Variants in B3GALT1 observed in about 807,000 individuals in gnomAD.
B3GALT1 encodes the protein beta-1,3-galactosyltransferase 1.
Under a neutral mutation model 23.2 loss-of-function variants are expected in B3GALT1, and 10 were observed. The ratio of observed to expected loss-of-function variants is 0.43; its 90% CI spans 0.27 to 0.73. The LOEUF (loss-of-function observed/expected upper bound fraction) is 0.73. Among genes scored for constraint, B3GALT1 ranks in the 30% least tolerant of loss-of-function variants. The pLI, the probability that B3GALT1 is intolerant of heterozygous loss-of-function variation, is 0.21. For missense variants in B3GALT1, 299 were observed against 405.4 expected, an observed-to-expected ratio of 0.74 and a Z score of 2.25; for synonymous variants, 156 against 141.5, an observed-to-expected ratio of 1.10 and a Z score of -0.73.
chr2:167,451,128 G>T (rs1699083923), intron 1 of B3GALT1, among the ~76,000 whole-genome samples: 3 of 151,694 alleles, frequency 2.0e-5, no homozygotes, highest in Non-Finnish European at 4.4e-5. Flanking sequence ...CCTTGAAGTG[G>T]ACTTCACCTT....
At chr2:167,294,655 C>T (rs1574020866) in intron 1 of B3GALT1, among the ~76,000 whole-genome samples, 1 of 152,346 alleles carries the variant, frequency 6.6e-6, no homozygotes, top group Non-Finnish European at 1.5e-5. Context: ...CCCACTGTCT[C>T]AGATGGGGCG....
rs924629267 is a variant in B3GALT1, at chr2:167,569,258, A to T, written c.-409-77651A>T. 6.6e-5 allele frequency among the ~76,000 whole-genome samples: 10 copies of T among 152,038 alleles called. No individual in the cohort carries two copies. In the East Asian group the frequency reaches 1.9e-3, roughly 29 times the overall value. ...ATCAGTTTGTCTACAGCCATAAAAT[A>T]AGTTGCTAGGGTTTTGATTGAGTCT... is the stretch of plus-strand genomic sequence containing the variant. On this transcript the variant is annotated intron_variant, in intron 2 of 4. Transcript: ENST00000392690.
intron 3 of B3GALT1, among the ~76,000 whole-genome samples, chr2:167,677,661 C>A (rs947247702): frequency 6.6e-6 from 1 of 152,216 alleles, no homozygotes; most frequent in Non-Finnish European, 1.5e-5. Flanking sequence ...CAGAATGTCT[C>A]CTGCCTTTGT....
At chr2:167,560,470 G>A (rs1459665041) in intron 2 of B3GALT1, among the ~76,000 whole-genome samples, 8 of 151,964 alleles carry the variant, frequency 5.3e-5, no homozygotes. Context: ...AACTTTAAAT[G>A]TAAATGGACT....
chr2:167,771,178 G>T (rs1688066183), intron 3 of B3GALT1, among the ~76,000 whole-genome samples: 1 of 152,142 alleles, frequency 6.6e-6, no homozygotes, highest in Non-Finnish European at 1.5e-5. Flanking sequence ...TTTTAGTGAG[G>T]ATTAAATGTG....
At chr2:167,743,344 C>T (rs778302568) in intron 3 of B3GALT1, among the ~76,000 whole-genome samples, 1 of 151,858 alleles carries the variant, frequency 6.6e-6, no homozygotes, top group Non-Finnish European at 1.5e-5. Flanking sequence ...CAATTTAAAC[C>T]CCCATCAGCA....
intron 2 of B3GALT1, among the ~76,000 whole-genome samples, chr2:167,557,327 G>C (rs1683872051): frequency 6.6e-6 from 1 of 151,840 alleles, no homozygotes. Flanking sequence ...AAAAAGTTAT[G>C]GATATTTTTA....
intron 1 of B3GALT1, among the ~76,000 whole-genome samples, chr2:167,324,754 A>G (rs575661546): frequency 7.9e-5 from 12 of 152,166 alleles, no homozygotes; most frequent in Non-Finnish European, 1.2e-4. Flanking sequence ...AAAATGTAGT[A>G]TATCGTGTTA....
At chr2:167,505,858 G>A (rs572906351) in intron 2 of B3GALT1, among the ~76,000 whole-genome samples, 122 of 152,172 alleles carry the variant, frequency 8.0e-4, no homozygotes, top group South Asian at 1.5e-3. Flanking sequence ...CCAGGAGTTC[G>A]AGACCAGCCT....
intron 1 of B3GALT1, among the ~76,000 whole-genome samples, chr2:167,365,040 T>C (rs375928476): frequency 2.6e-5 from 4 of 152,338 alleles, no homozygotes; most frequent in African/African-American, 9.6e-5. Context: ...AAATGTGTAC[T>C]GTAAGAATCC....
intron 2 of B3GALT1, among the ~76,000 whole-genome samples, chr2:167,491,195 T>A (rs927516649): frequency 2.0e-5 from 3 of 152,166 alleles, no homozygotes; most frequent in Admixed American, 6.5e-5. Flanking sequence ...AAAAAATGTT[T>A]AAGTGCTCAG....
intron 1 of B3GALT1, among the ~76,000 whole-genome samples, chr2:167,415,308 C>A (rs116028200): frequency 0.01 from 1,523 of 152,260 alleles, 26 homozygotes; most frequent in African/African-American, 0.034. Flanking sequence ...TTATATGATA[C>A]CCTGAGCCAT....
At chr2:167,640,449 A>G (rs1182319090) in intron 2 of B3GALT1, among the ~76,000 whole-genome samples, 1 of 151,832 alleles carries the variant, frequency 6.6e-6, no homozygotes, top group African/African-American at 2.4e-5. Context: ...TTTTTCTCTT[A>G]CGGCTTTTAT....
At chr2:167,464,792 G>A (rs1699319800) in intron 1 of B3GALT1, among the ~76,000 whole-genome samples, 1 of 152,176 alleles carries the variant, frequency 6.6e-6, no homozygotes, top group South Asian at 2.1e-4. Context: ...TGAAGTTACA[G>A]TGATATTGTA....
intron 2 of B3GALT1, among the ~76,000 whole-genome samples, chr2:167,579,259 C>G (rs111454625): frequency 3.3e-5 from 5 of 151,974 alleles, no homozygotes; most frequent in African/African-American, 1.2e-4. Flanking sequence ...CAATCCTTTC[C>G]TCTTTTTAAA....
chr2:167,496,212 A>G (rs1033787371), intron 2 of B3GALT1, among the ~76,000 whole-genome samples: 3 of 152,180 alleles, frequency 2.0e-5, no homozygotes, highest in African/African-American at 7.2e-5. Context: ...AAAAGTCAAT[A>G]CCAGCTTGGC....
At chr2:167,504,128 A>G (rs1239011) in intron 2 of B3GALT1, among the ~76,000 whole-genome samples, 3,189 of 150,616 alleles carry the variant, frequency 0.021, 109 homozygotes, top group African/African-American at 0.074. Flanking sequence ...GCTACCAATC[A>G]TGAAGAAGTT....
intron 3 of B3GALT1, among the ~76,000 whole-genome samples, chr2:167,792,096 C>G (rs759006579): frequency 6.6e-6 from 1 of 151,976 alleles, no homozygotes; most frequent in Non-Finnish European, 1.5e-5. Flanking sequence ...AATATAACCT[C>G]TCTGACGGGA....
chr2:167,490,502 T>C (rs145941086), intron 2 of B3GALT1, among the ~76,000 whole-genome samples: 3,157 of 152,340 alleles, frequency 0.021, 49 homozygotes, highest in Non-Finnish European at 0.03. Flanking sequence ...CAAGAGTAAT[T>C]GCAAAGCATC....
Sources: allele counts gnomAD v4.1 joint callset (sites outside exome capture counted in the v4.1 genomes callset), GRCh38; gene constraint gnomAD v4.1.1; transcripts MANE v1.5; gene names NCBI Gene and HGNC (gene_info 2026-07-23, HGNC 2026-07-21).